NFKBID: variants seen among roughly 807,000 people sequenced by gnomAD.
The protein encoded by NFKBID is NF-kappa-B inhibitor delta.
Under a neutral mutation model 53.4 loss-of-function variants are expected in NFKBID, and 26 were observed. That is an observed-to-expected ratio of 0.49 (90% confidence interval 0.36 to 0.68). NFKBID has a LOEUF of 0.68. NFKBID is among the 30% of genes least tolerant of loss of function. The pLI is 0.00. For synonymous variants in NFKBID, 262 were observed against 259.8 expected, an observed-to-expected ratio of 1.01 and a Z score of -0.08; for missense variants, 493 against 614.1, an observed-to-expected ratio of 0.80 and a Z score of 2.08.
chr19:35,890,602 G>T (rs537584690), intron 9 of NFKBID, 112 bp from the exon 10 acceptor site: 591 of 799,536 alleles, frequency 7.4e-4, no homozygotes, highest in Non-Finnish European at 1.1e-3. Context: ...GGTGGTTCAC[G>T]CCTGTAATCC....
chr19:35,890,300 C>G, intron 10 of NFKBID, 74 bp downstream of exon 10: 1 of 1,094,620 alleles, frequency 9.1e-7, no homozygotes, highest in Non-Finnish European at 1.4e-6. Flanking sequence ...TCCACAGCCC[C>G]CAGGACCCCT....
chr19:35,888,333 T>TCACAGAAATCATCAAGAGGGCTCC, exon 12 of NFKBID: 2 of 547,286 alleles, frequency 3.7e-6, no homozygotes, highest in South Asian at 4.4e-5. Context: ...GGCCTCGATT[T>TCACAGAAATCATCAAGAGGGCTCC]CACAGAAATC....
At chr19:35,897,733 G>A in exon 4 of NFKBID, 1 of 1,613,126 alleles carries the variant, frequency 6.2e-7, no homozygotes, top group Non-Finnish European at 8.5e-7. Flanking sequence ...TTCGGCAGCA[G>A]AAGCAGGGCA....
At chr19:35,897,735 A>G (rs202136864) in exon 4 of NFKBID, 7 of 1,613,152 alleles carry the variant, frequency 4.3e-6, no homozygotes, top group Non-Finnish European at 5.9e-6. Flanking sequence ...CGGCAGCAGA[A>G]GCAGGGCAAG....
At chr19:35,898,885 G>A (rs1035423886) in intron 1 of NFKBID, 63 bp from the exon 2 acceptor site, 10 of 1,337,044 alleles carry the variant, frequency 7.5e-6, no homozygotes, top group Non-Finnish European at 9.3e-6. Flanking sequence ...TGCCGCGGGG[G>A]TGGCGCGCGG....
chr19:35,898,708 C>A lies in NFKBID; in HGVS notation c.165+11G>T. ...CGGGGCCTCCGGAGAGCTGTGGCTC[C>A]CTGGCCTCACCTGCACCCCGCCAGC... On this transcript the variant is annotated intron_variant, in intron 2 of 11. Coordinates refer to ENST00000641389, the Ensembl canonical transcript of NFKBID. 6.5e-7 allele frequency: 1 copy of A among 1,534,582 alleles called. No homozygotes were observed. Among genetic ancestry groups the A allele is most frequent in the Non-Finnish European group, 8.7e-7 (1 of 1,145,666 alleles).
At chr19:35,902,209 CAG>C (rs1223588676), upstream of NFKBID, 1 of 703,188 alleles carries the variant, frequency 1.4e-6, no homozygotes, top group South Asian at 1.5e-5. Context: ...TCTCTGCCAG[CAG>C]ACACTCCCAT....
intron 9 of NFKBID, among the ~76,000 whole-genome samples, chr19:35,893,654 A>C (rs1397585891): frequency 6.6e-6 from 1 of 151,758 alleles, no homozygotes; most frequent in African/African-American, 2.4e-5. Context: ...CTGCGTCTCT[A>C]CTAAAAATGC....
At chr19:35,893,663 G>A (rs1324749846) in intron 9 of NFKBID, among the ~76,000 whole-genome samples, 1 of 151,728 alleles carries the variant, frequency 6.6e-6, no homozygotes, top group Non-Finnish European at 1.5e-5. Context: ...TACTAAAAAT[G>A]CAAAAATTTA....
At chr19:35,897,250 GA>G in intron 4 of NFKBID, 192 bp from the exon 5 acceptor site, 2 of 583,550 alleles carry the variant, frequency 3.4e-6, no homozygotes, top group South Asian at 5.1e-5. Context: ...TGCCCACCTG[GA>G]AAAGGGTATT....
rs200432378 is a variant in NFKBID at position 35,895,592 on chromosome 19, G to A, written c.1032+388C>T. Among the ~76,000 whole-genome samples the A allele has an allele frequency of 7.2e-5, 11 of 152,110 alleles. No homozygotes were observed. In the East Asian group the frequency reaches 1.5e-3, roughly 21 times the overall value. ...CAAGGCAGGTGGATCACCTGAGGTC[G>A]GGAGTTCGAGACCAGCAAGACCAAT... is the stretch of plus-strand genomic sequence containing the variant. On this transcript the variant is annotated intron_variant, in intron 9 of 11. Transcript: ENST00000641389.
chr19:35,895,868 G>C (rs555002798), intron 9 of NFKBID, 112 bp downstream of exon 9: 565 of 924,260 alleles, frequency 6.1e-4, no homozygotes, highest in Non-Finnish European at 8.3e-4. Context: ...ACATGTTCAA[G>C]GGCACGCAGC....
intron 9 of NFKBID, chr19:35,890,719 C>T (rs1462617930): frequency 3.6e-6 from 2 of 550,616 alleles, no homozygotes; most frequent in Non-Finnish European, 6.8e-6. Flanking sequence ...GAAAAATTAG[C>T]CAGGCGTGGT....
intron 9 of NFKBID, 128 bp from the exon 10 acceptor site, chr19:35,890,618 C>G: frequency 1.3e-6 from 1 of 761,878 alleles, no homozygotes. Flanking sequence ...AATCCTAGCA[C>G]TTTGGGAAGC....
At chr19:35,900,827 C>CTTTTTTTTCTTTTT (rs1975530427), upstream of NFKBID, among the ~76,000 whole-genome samples, 1 of 107,606 alleles carries the variant, frequency 9.3e-6, no homozygotes, top group Non-Finnish European at 1.8e-5. Flanking sequence ...TTTTTCTTTT[C>CTTTTTTTTCTTTTT]TTTTTTTTTT....
At chr19:35,899,557 T>C (rs1327223959) in intron 1 of NFKBID, 1 of 53,802 alleles carries the variant, frequency 1.9e-5, no homozygotes, top group Non-Finnish European at 4.1e-5. Flanking sequence ...GAGACTCCAT[T>C]AAAAAAAAAA....
intron 1 of NFKBID, among the ~76,000 whole-genome samples, chr19:35,899,263 G>A (rs149492168): frequency 4.6e-5 from 7 of 152,216 alleles, no homozygotes; most frequent in African/African-American, 4.8e-5. Flanking sequence ...GGAGTCCCCA[G>A]CGCCCCTCCT....
rs949872899 is a variant in NFKBID, at chr19:35,890,288, C to T, written c.1149+86G>A. On this transcript the variant is annotated intron_variant, in intron 10 of 11. Transcript: ENST00000641389. ...CAGATCCCACACATCGTCCCCTCCA[C>T]GTCCACAGCCCCCAGGACCCCTAAC... 31 of 995,376 alleles carry T rather than the reference C, an allele frequency of 3.1e-5. 1 individual carries two copies. Among genetic ancestry groups the T allele is most frequent in the Middle Eastern group, 5.9e-4 (2 of 3,410 alleles). The allele number at this position is 995,376 out of a possible 1,614,324, so 61.7% of individuals were successfully genotyped here.
intron 3 of NFKBID, 98 bp downstream of exon 3, chr19:35,898,374 G>T: frequency 2.7e-6 from 2 of 733,656 alleles, no homozygotes; most frequent in Non-Finnish European, 4.5e-6. Flanking sequence ...AGGGAAGAAT[G>T]AGGGCCTGAC....
Sources: gnomAD v4.1 joint callset for allele counts (sites outside exome capture counted in the v4.1 genomes callset) on GRCh38, gnomAD v4.1.1 for gene constraint, MANE v1.5 for transcripts, NCBI Gene and HGNC (gene_info 2026-07-23, HGNC 2026-07-21) for gene names.